PTCD1: variants seen among roughly 807,000 people sequenced by gnomAD.
PTCD1 encodes the protein pentatricopeptide repeat domain 1.
Under a neutral mutation model 53.4 loss-of-function variants are expected in PTCD1, and 50 were observed. That is an observed-to-expected ratio of 0.94 (90% confidence interval 0.75 to 1.19). PTCD1 has a LOEUF of 1.19. Among genes scored for constraint, PTCD1 ranks in the 50% most tolerant of loss-of-function variants. The probability of loss-of-function intolerance (pLI) is 0.00; values close to 1 mark genes in which losing one functional copy is unlikely to be tolerated. For synonymous variants in PTCD1, 413 were observed against 394.8 expected, an observed-to-expected ratio of 1.05 and a Z score of -0.55; for missense variants, 918 against 904.8, an observed-to-expected ratio of 1.01 and a Z score of -0.19.
intron 1 of PTCD1, among the ~76,000 whole-genome samples, chr7:99,436,792 A>G (rs1796483646): frequency 6.6e-6 from 1 of 152,228 alleles, no homozygotes; most frequent in Admixed American, 6.5e-5. Context: ...AAACTAGTGC[A>G]GGGGGCCTTT....
intron 5 of PTCD1, among the ~76,000 whole-genome samples, chr7:99,428,136 T>G (rs1796124298): frequency 6.6e-6 from 1 of 150,730 alleles, no homozygotes; most frequent in Admixed American, 6.6e-5. Flanking sequence ...GCGCGGTGGC[T>G]CACGCCTGTA....
Position 99,419,452 on chromosome 7 carries a change from C to CTCCAT in PTCD1, c.*514_*515insATGGA, listed in dbSNP as rs758986759. Reference sequence around the variant, plus strand: ...GGCTGCTCTGGCTGAGGCTGGCGCGCTCCACCCTGGACTCTGGACTTCGCA... The same window carrying CTCCAT: ...GGCTGCTCTGGCTGAGGCTGGCGCGCTCCATTCCACCCTGGACTCTGGACTTCGCA... On this transcript the variant is annotated 3_prime_UTR_variant, in exon 8 of 8. Transcript: ENST00000292478. 1.2e-6 allele frequency: 2 copies of CTCCAT among 1,610,444 alleles called. No individual in the cohort carries two copies. Among genetic ancestry groups the CTCCAT allele is most frequent in the South Asian group, 2.2e-5 (2 of 91,086 alleles).
chr7:99,434,992 T>G lies in PTCD1; in HGVS notation c.251A>C (p.Glu84Ala). ...GAGGGTCCCAAAACTCTCCTCCTCC[T>G]CCTCGTCTTCTTCCTGCGTGGCCGT... is the stretch of plus-strand genomic sequence containing the variant. ...NSTATQEEDE[E>A]EEESFGTLSD... Residue 84 changes from glutamate to alanine, a missense_variant, in exon 2 of 8, where the codon GAG becomes GCG. Physicochemically the swap from Glu to Ala is moderately radical, Grantham distance 107. Coordinates refer to ENST00000292478, the MANE Select transcript of PTCD1 (RefSeq NM_015545.4). The G allele has an allele frequency of 6.2e-7, 1 of 1,614,212 alleles. No individual in the cohort carries two copies. Among genetic ancestry groups the G allele is most frequent in the Non-Finnish European group, 8.5e-7 (1 of 1,180,026 alleles).
rs373714944 is a variant in PTCD1 at position 99,426,423 on chromosome 7, C to G, written c.916-807G>C. ...GCCAGGCTGGTCTCCAGCTCCTAAC[C>G]GCGAGTGATCCACCAACCTCGGCCT... On this transcript the variant is annotated intron_variant, in intron 5 of 7. Transcript: ENST00000292478. Among the ~76,000 whole-genome samples, 16 of 152,316 alleles carry G rather than the reference C, an allele frequency of 1.1e-4. No homozygotes were observed. In the East Asian group the frequency reaches 2.7e-3, roughly 26 times the overall value.
intron 3 of PTCD1, among the ~76,000 whole-genome samples, 197 bp from the exon 4 acceptor site, chr7:99,430,003 C>T (rs990112034): frequency 6.6e-6 from 1 of 152,184 alleles, no homozygotes; most frequent in East Asian, 1.9e-4. Context: ...AAAACTGAGC[C>T]CACACACCCA....
In PTCD1 at chr7:99,420,124, T is replaced by C. The variant is rs762744038; in HGVS notation, c.1946A>G (p.Glu649Gly). The C allele has an allele frequency of 1.4e-5, 23 of 1,614,088 alleles. No individual in the cohort carries two copies. Among genetic ancestry groups the C allele is most frequent in the Non-Finnish European group, 1.9e-5 (22 of 1,180,026 alleles). Residue 649 changes from glutamate (E) to glycine (G), a missense_variant, in exon 8 of 8, where the codon GAG becomes GGG. Transcript: ENST00000292478. ...ATAGGCTCGGAAGCCGTCAATCTTC[T>C]CCAGGTAGGTGTTCTTCCCTTGGTA... is the stretch of plus-strand genomic sequence containing the variant. The part of the protein sequence containing the change: ...DRYQGKNTYL[E>G]KIDGFRAYYK...
In PTCD1 at chr7:99,417,750, A is replaced by T. The variant is rs545058681; in HGVS notation, c.*2217T>A. ...CTCGTGGGAGTGGGTCCCTGTATTC[A>T]GGAATCCATGTGAGGCAGCGTGTGG... On this transcript the variant is annotated 3_prime_UTR_variant, in exon 8 of 8. Coordinates refer to ENST00000292478, the MANE Select transcript of PTCD1 (RefSeq NM_015545.4). 5 of 1,534,580 alleles carry T rather than the reference A, an allele frequency of 3.3e-6. No individual in the cohort carries two copies. The highest frequency in any genetic ancestry group is 2.6e-6 in the Non-Finnish European group (3 of 1,146,056).
chr7:99,429,599 C>G lies in PTCD1; in HGVS notation c.802G>C (p.Asp268His). Residue 268 changes from aspartate to histidine, a missense_variant, in exon 4 of 8, where the codon GAT becomes CAT. Transcript: ENST00000292478. Reference sequence around the variant, plus strand: ...AGGGGAAGCCCCACCTTGAACACATCGAGGCACATCCTAAGGTCTGCGCAC... The same window carrying G: ...AGGGGAAGCCCCACCTTGAACACATGGAGGCACATCCTAAGGTCTGCGCAC... ...AKCADLRMCL[D>H]VFKEIIHKGH... The G allele has an allele frequency of 6.2e-7, 1 of 1,614,188 alleles. No individual in the cohort carries two copies.
chr7:99,437,956 T>C (rs912559586), intron 1 of PTCD1, among the ~76,000 whole-genome samples: 5 of 151,534 alleles, frequency 3.3e-5, no homozygotes, highest in Non-Finnish European at 5.9e-5. Context: ...TGAGCCACCA[T>C]GCCTGGCCCT....
chr7:99,437,901 G>C (rs556375396), intron 1 of PTCD1, among the ~76,000 whole-genome samples: 1 of 151,926 alleles, frequency 6.6e-6, no homozygotes, highest in Admixed American at 6.6e-5. Flanking sequence ...CTGACCTCAC[G>C]TGATCCTCTC....
At chr7:99,426,185 C>G (rs1333093187) in intron 5 of PTCD1, among the ~76,000 whole-genome samples, 1 of 116,052 alleles carries the variant, frequency 8.6e-6, no homozygotes, top group African/African-American at 7.1e-5. Context: ...GTCTCCCTCT[C>G]CCTCTCCCCA....
Position 99,425,367 on chromosome 7 carries a change from A to G in PTCD1, c.1165T>C (p.Phe389Leu). Reference sequence around the variant, plus strand: ...CCAAGTGCCTGAGAAGGTTCCAGAAACAGCTGCCTCTCCAGGGCCTCCACA... The same window carrying G: ...CCAAGTGCCTGAGAAGGTTCCAGAAGCAGCTGCCTCTCCAGGGCCTCCACA... ...LHVEALERQL[F>L]LEPSQALGPP... The change falls in exon 6 of 8, where the codon TTT becomes CTT. Residue 389 changes from phenylalanine to leucine, a missense_variant. Physicochemically the swap from Phe to Leu is conservative, Grantham distance 22. Transcript: ENST00000292478. The G allele has an allele frequency of 1.2e-6, 2 of 1,614,138 alleles. No homozygotes were observed. The highest frequency in any genetic ancestry group is 1.7e-6 in the Non-Finnish European group (2 of 1,180,026).
intron 1 of PTCD1, among the ~76,000 whole-genome samples, chr7:99,437,581 C>T (rs1014862213): frequency 2.6e-5 from 4 of 152,022 alleles, no homozygotes; most frequent in African/African-American, 9.7e-5. Context: ...GGGATTACAG[C>T]CGTGAGCCAC....
chr7:99,417,433 CTA>C lies in PTCD1; in HGVS notation c.*2532_*2533del, dbSNP rs1255808949. On this transcript the variant is annotated 3_prime_UTR_variant, in exon 8 of 8. Transcript: ENST00000292478. The stretch of plus-strand genomic sequence containing the variant: ...CTTTCCCCATCTTTTTGACAGAACT[CTA>C]TGAATATTGTATTAAAGAAGGCTAT... 1.9e-6 allele frequency: 3 copies of C among 1,613,904 alleles called. No individual in the cohort carries two copies. The highest frequency in any genetic ancestry group is 2.5e-6 in the Non-Finnish European group (3 of 1,179,900).
chr7:99,434,446 T>C (rs1157909139), intron 2 of PTCD1, among the ~76,000 whole-genome samples: 2 of 150,970 alleles, frequency 1.3e-5, no homozygotes, highest in Non-Finnish European at 2.9e-5. Context: ...GAGATCCTGT[T>C]ATAAAAAAAA....
intron 2 of PTCD1, among the ~76,000 whole-genome samples, chr7:99,433,689 G>C (rs1425078443): frequency 6.6e-6 from 1 of 152,150 alleles, no homozygotes; most frequent in African/African-American, 2.4e-5. Flanking sequence ...AGCCAGACAA[G>C]GTCTATCCAC....
In PTCD1 at chr7:99,419,737, G is replaced by T; in HGVS notation, c.*230C>A. 1.4e-6 allele frequency: 1 copy of T among 731,816 alleles called. No homozygotes were observed. Among genetic ancestry groups the T allele is most frequent in the Non-Finnish European group, 2.2e-6 (1 of 455,380 alleles). 45.3% of individuals were successfully genotyped at this position (731,816 alleles called of 1,614,324 possible). ...GAGGTGACACACAAAGGTAGCTGGA[G>T]CTGGAAGTCCCGTGAAGGTGACACG... On this transcript the variant is annotated 3_prime_UTR_variant, in exon 8 of 8. Coordinates refer to ENST00000292478, the MANE Select transcript of PTCD1 (RefSeq NM_015545.4).
rs1195274245 is a variant in PTCD1, at chr7:99,423,886, G to A, written c.1809C>T (p.Tyr603=). Residue 603 remains tyrosine, a synonymous_variant, in exon 7 of 8, where the codon TAC becomes TAT. Coordinates refer to ENST00000292478, the MANE Select transcript of PTCD1 (RefSeq NM_015545.4). The part of the protein sequence containing the change: ...LINAAIRKLN[Y]TYLISILKDM... ...CCTTCAAGATGCTGATGAGATAGGTGTAGTTCAGCTTCCTGATGGCCGCGT... is the reference window on the plus strand; with the variant it reads ...CCTTCAAGATGCTGATGAGATAGGTATAGTTCAGCTTCCTGATGGCCGCGT... The A allele has an allele frequency of 1.9e-6, 3 of 1,614,196 alleles. No homozygotes were observed. The highest frequency in any genetic ancestry group is 2.7e-5 in the African/African-American group (2 of 75,038).
In PTCD1 at chr7:99,424,805, G is replaced by A. The variant is rs754162296; in HGVS notation, c.1727C>T (p.Thr576Ile). 51 of 1,614,102 alleles carry A rather than the reference G, an allele frequency of 3.2e-5. No homozygotes were observed. Among genetic ancestry groups the A allele is most frequent in the Non-Finnish European group, 4.2e-5 (49 of 1,180,044 alleles). The change falls in exon 6 of 8, where the codon ACA becomes ATA. Residue 576 changes from threonine to isoleucine, a missense_variant. Coordinates refer to ENST00000292478, the MANE Select transcript of PTCD1 (RefSeq NM_015545.4). ...CCCGAGTCCACTCACCTTCATGTCT[G>A]TGAGAAGCTGTAGACCGTCCTTCGG... ...HRPKDGLQLL[T>I]DMKKSQVTPN...
Sources: allele counts gnomAD v4.1 joint callset (sites outside exome capture counted in the v4.1 genomes callset), GRCh38; gene constraint gnomAD v4.1.1; transcripts MANE v1.5; gene names NCBI Gene and HGNC (gene_info 2026-07-23, HGNC 2026-07-21).